SIPA1L3: variants seen among roughly 807,000 people sequenced by gnomAD.
SIPA1L3 encodes the protein signal induced proliferation associated 1 like 3, also known as signal-induced proliferation-associated 1-like protein 3.
A neutral mutation model predicts 150.1 loss-of-function variants in SIPA1L3; 59 were observed. The ratio of observed to expected loss-of-function variants is 0.39; its 90% CI spans 0.32 to 0.49. The LOEUF (loss-of-function observed/expected upper bound fraction) is 0.49. SIPA1L3 is among the 20% of genes least tolerant of loss of function. SIPA1L3 has a pLI of 0.86. For missense variants in SIPA1L3, 2,211 were observed against 2,489.5 expected (o/e 0.89, Z 2.38); for synonymous variants, 1,070 against 1,077.6 (o/e 0.99, Z 0.14).
At chr19:37,999,633 T>C (rs1403421265) in intron 1 of SIPA1L3, among the ~76,000 whole-genome samples, 1 of 152,220 alleles carries the variant, frequency 6.6e-6, no homozygotes, top group African/African-American at 2.4e-5. Flanking sequence ...AACTGACCCC[T>C]GGTTGCTCCA....
intron 15 of SIPA1L3, among the ~76,000 whole-genome samples, chr19:38,176,363 T>C (rs1568593482): frequency 6.6e-6 from 1 of 151,964 alleles, no homozygotes; most frequent in South Asian, 2.1e-4. Context: ...TTAGACTTTT[T>C]TTAGGGTTGG....
At chr19:38,070,313 G>T (rs544513897) in intron 2 of SIPA1L3, among the ~76,000 whole-genome samples, 17 of 152,152 alleles carry the variant, frequency 1.1e-4, no homozygotes, top group African/African-American at 3.9e-4. Flanking sequence ...GGGCTCAAGC[G>T]ATCCTCCCAC....
intron 10 of SIPA1L3, chr19:38,131,636 T>C (rs1432720417): frequency 6.1e-6 from 1 of 162,914 alleles, no homozygotes; most frequent in Non-Finnish European, 1.3e-5. Context: ...TTGTTGTTTT[T>C]GTTTTTTGTT....
At chr19:37,984,245 A>G (rs911630549) in intron 1 of SIPA1L3, among the ~76,000 whole-genome samples, 11 of 152,210 alleles carry the variant, frequency 7.2e-5, no homozygotes, top group Admixed American at 1.3e-4. Flanking sequence ...CAAAGAGAAA[A>G]TTAGTAAATG....
intron 4 of SIPA1L3, among the ~76,000 whole-genome samples, chr19:38,095,837 C>G (rs1970367379): frequency 6.6e-6 from 1 of 152,178 alleles, no homozygotes; most frequent in Non-Finnish European, 1.5e-5. Flanking sequence ...AGTCACCCGT[C>G]TCCAGGGAGG....
At position 38,020,842 on chromosome 19, in the gene SIPA1L3, C is replaced by G. The variant is rs562126144; in HGVS notation, c.-378-8247C>G. On this transcript the variant is annotated intron_variant, in intron 1 of 21. Transcript: ENST00000222345. ...TTGTTTTTTGAGATGGAGTCTCACTCTGTCGCCCAGGCTGGAGTGCAGTGG... is the reference window on the plus strand; with the variant it reads ...TTGTTTTTTGAGATGGAGTCTCACTGTGTCGCCCAGGCTGGAGTGCAGTGG... Among the ~76,000 whole-genome samples, 120 of 152,140 alleles carry G rather than the reference C, an allele frequency of 7.9e-4. 2 individuals are homozygous for G. The highest frequency in any genetic ancestry group is 2.8e-3 in the African/African-American group (116 of 41,518).
At chr19:38,122,193 C>CAAT (rs1971037376) in intron 9 of SIPA1L3, among the ~76,000 whole-genome samples, 1 of 152,134 alleles carries the variant, frequency 6.6e-6, no homozygotes, top group African/African-American at 2.4e-5. Flanking sequence ...TGCACTCCAA[C>CAAT]GTGGGTGACA....
At chr19:37,973,534 C>CAA (rs59279280) in intron 1 of SIPA1L3, among the ~76,000 whole-genome samples, 1 of 51,502 alleles carries the variant, frequency 1.9e-5, no homozygotes, top group Non-Finnish European at 3.4e-5. Context: ...TGTGCCTGGC[C>CAA]AAAAAAAAAA....
intron 7 of SIPA1L3, chr19:38,109,344 T>C (rs918825855): frequency 2.0e-5 from 3 of 152,160 alleles, no homozygotes; most frequent in Non-Finnish European, 4.4e-5. Context: ...TTATTTACTA[T>C]CACGAGAACA....
intron 2 of SIPA1L3, among the ~76,000 whole-genome samples, chr19:38,062,765 C>T (rs1415040814): frequency 3.3e-5 from 5 of 152,106 alleles, no homozygotes; most frequent in Admixed American, 2.6e-4. Context: ...GGATTACAGG[C>T]GTGCATCACC....
chr19:38,035,158 A>G (rs855605), intron 2 of SIPA1L3, among the ~76,000 whole-genome samples: 37,926 of 152,078 alleles, frequency 0.25, 5,871 homozygotes, highest in African/African-American at 0.44. Flanking sequence ...TTCATCAAGG[A>G]GCCGTTTCTA....
At chr19:38,157,348 G>A (rs1971972077) in intron 13 of SIPA1L3, among the ~76,000 whole-genome samples, 1 of 152,164 alleles carries the variant, frequency 6.6e-6, no homozygotes, top group Non-Finnish European at 1.5e-5. Flanking sequence ...ACACAACAGG[G>A]TGGGCACTGC....
Position 38,186,669 on chromosome 19 carries a change from T to A in SIPA1L3, c.4430+3929T>A, listed in dbSNP as rs1197742927. On this transcript the variant is annotated intron_variant, in intron 16 of 21. Coordinates refer to ENST00000222345, the MANE Select transcript of SIPA1L3 (RefSeq NM_015073.3). The stretch of plus-strand genomic sequence containing the variant: ...CGCACCCGGCCCCTTTTCATATGTA[T>A]TTAGTTGCAGATACATTTTAAAAAT... Among the ~76,000 whole-genome samples the A allele has an allele frequency of 2.0e-5, 3 of 151,158 alleles. No individual in the cohort carries two copies. In the East Asian group the frequency reaches 6.0e-4, roughly 30 times the overall value.
At chr19:38,154,227 A>G (rs1971892401) in intron 13 of SIPA1L3, among the ~76,000 whole-genome samples, 1 of 152,192 alleles carries the variant, frequency 6.6e-6, no homozygotes, top group African/African-American at 2.4e-5. Flanking sequence ...GTATCGCAGT[A>G]TCTGAGTGGT....
At chr19:38,037,943 G>T (rs1324593744) in intron 2 of SIPA1L3, among the ~76,000 whole-genome samples, 1 of 152,140 alleles carries the variant, frequency 6.6e-6, no homozygotes, top group African/African-American at 2.4e-5. Flanking sequence ...TCATCTTAAA[G>T]CAGGCACCTT....
chr19:38,069,433 A>G (rs1969666359), intron 2 of SIPA1L3, among the ~76,000 whole-genome samples: 1 of 152,126 alleles, frequency 6.6e-6, no homozygotes, highest in South Asian at 2.1e-4. Flanking sequence ...GGCCTGCTGT[A>G]TCTCATGTCC....
intron 2 of SIPA1L3, among the ~76,000 whole-genome samples, chr19:38,053,374 C>T (rs1480585248): frequency 6.6e-6 from 1 of 152,202 alleles, no homozygotes; most frequent in East Asian, 1.9e-4. Context: ...TAGGTATGGA[C>T]TGTTAACCCC....
chr19:38,049,367 T>C (rs111636455), intron 2 of SIPA1L3, among the ~76,000 whole-genome samples: 15 of 152,218 alleles, frequency 9.9e-5, no homozygotes, highest in Admixed American at 2.6e-4. Flanking sequence ...TTTCGGTTTC[T>C]TCTGGTTTTC....
At chr19:38,122,277 C>T (rs1401651644) in intron 9 of SIPA1L3, among the ~76,000 whole-genome samples, 7 of 152,140 alleles carry the variant, frequency 4.6e-5, no homozygotes, top group African/African-American at 1.7e-4. Context: ...CAGAGGTTTC[C>T]TGACTTTGTA....
Sources: allele counts gnomAD v4.1 joint callset (sites outside exome capture counted in the v4.1 genomes callset), GRCh38; gene constraint gnomAD v4.1.1; transcripts MANE v1.5; gene names NCBI Gene and HGNC (gene_info 2026-07-23, HGNC 2026-07-21).